ANKRD12: variants seen among roughly 807,000 people sequenced by gnomAD.
ANKRD12 encodes ankyrin repeat domain-containing protein 12.
Under a neutral mutation model 183.4 loss-of-function variants are expected in ANKRD12, and 85 were observed. The ratio of observed to expected loss-of-function variants is 0.46; its 90% CI spans 0.39 to 0.56. ANKRD12 has a LOEUF of 0.56. ANKRD12 is among the 20% of genes least tolerant of loss of function. The probability of loss-of-function intolerance (pLI) is 0.00; values close to 1 mark genes in which losing one functional copy is unlikely to be tolerated. For synonymous variants in ANKRD12, 914 were observed against 800.2 expected (o/e 1.14, Z -2.40); for missense variants, 2,405 against 2,357.1 (o/e 1.02, Z -0.42).
intron 5 of ANKRD12, among the ~76,000 whole-genome samples, chr18:9,209,343 T>G (rs549672823): frequency 6.7e-4 from 102 of 152,290 alleles, no homozygotes; most frequent in African/African-American, 2.3e-3. Context: ...AAAAGAAAAT[T>G]TTTGAGTTAC....
At chr18:9,156,107 C>CAG (rs2030388538) in intron 1 of ANKRD12, among the ~76,000 whole-genome samples, 1 of 140,442 alleles carries the variant, frequency 7.1e-6, no homozygotes, top group Non-Finnish European at 1.5e-5. Context: ...CACTGCACTC[C>CAG]AGCCTGGGCA....
intron 1 of ANKRD12, among the ~76,000 whole-genome samples, chr18:9,168,164 T>C (rs2032287271): frequency 6.6e-6 from 1 of 152,216 alleles, no homozygotes; most frequent in African/African-American, 2.4e-5. Flanking sequence ...ATCAAAGATA[T>C]TGGTCTAAAA....
chr18:9,280,236 A>C (rs2040045405), intron 12 of ANKRD12, among the ~76,000 whole-genome samples: 1 of 152,046 alleles, frequency 6.6e-6, no homozygotes, highest in Admixed American at 6.6e-5. Context: ...GCAACCTAGA[A>C]CCCTCGCATG....
intron 4 of ANKRD12, among the ~76,000 whole-genome samples, chr18:9,204,831 A>G (rs1323172890): frequency 2.0e-5 from 3 of 152,204 alleles, no homozygotes; most frequent in Non-Finnish European, 4.4e-5. Context: ...AAACAATGTG[A>G]AAGTCAACCC....
At chr18:9,189,755 C>G (rs1449410963) in intron 2 of ANKRD12, among the ~76,000 whole-genome samples, 2 of 152,140 alleles carry the variant, frequency 1.3e-5, no homozygotes, top group African/African-American at 2.4e-5. Context: ...TAGATTAAGC[C>G]TACTGTTGAG....
intron 2 of ANKRD12, among the ~76,000 whole-genome samples, chr18:9,194,081 T>G (rs1176851380): frequency 6.6e-6 from 1 of 152,210 alleles, no homozygotes; most frequent in Non-Finnish European, 1.5e-5. Flanking sequence ...CTGGATAGAT[T>G]ATTCTTTGGT....
intron 3 of ANKRD12, 94 bp downstream of exon 3, chr18:9,195,792 A>G (rs2034750628): frequency 1.1e-5 from 12 of 1,113,166 alleles, no homozygotes; most frequent in Non-Finnish European, 1.5e-5. Flanking sequence ...ACCCCAGTTT[A>G]TAGAGAAATA....
chr18:9,208,535 A>G (rs2035609925), intron 4 of ANKRD12, 122 bp from the exon 5 acceptor site: 1 of 681,216 alleles, frequency 1.5e-6, no homozygotes, highest in Non-Finnish European at 2.2e-6. Flanking sequence ...GGCTACTACT[A>G]GTTCATATAT....
intron 2 of ANKRD12, among the ~76,000 whole-genome samples, chr18:9,193,365 C>G (rs1452089852): frequency 6.6e-6 from 1 of 152,052 alleles, no homozygotes; most frequent in Non-Finnish European, 1.5e-5. Flanking sequence ...AGGCTGGTCT[C>G]AAACTCCTAG....
intron 3 of ANKRD12, among the ~76,000 whole-genome samples, chr18:9,201,350 C>T (rs1218202788): frequency 6.6e-6 from 1 of 152,194 alleles, no homozygotes; most frequent in South Asian, 2.1e-4. Context: ...AAGCCAAAAT[C>T]TCTTAATGTG....
Position 9,156,436 on chromosome 18 carries a change from G to A in ANKRD12, c.-52+19471G>A, listed in dbSNP as rs181330708. ...GGAAAGACAGAGTATTGGTGGAACA[G>A]ACTAGAAAGCCTGAAAAGAGATTTA... On this transcript the variant is annotated intron_variant, in intron 1 of 12. Coordinates refer to ENST00000262126, the MANE Select transcript of ANKRD12 (RefSeq NM_015208.5). Among the ~76,000 whole-genome samples, 204 of 152,276 alleles carry A rather than the reference G, an allele frequency of 1.3e-3. 1 individual carries two copies. The highest frequency in any genetic ancestry group is 4.8e-3 in the African/African-American group (199 of 41,558).
intron 8 of ANKRD12, among the ~76,000 whole-genome samples, chr18:9,238,290 G>A (rs189583968): frequency 1.3e-5 from 2 of 152,184 alleles, no homozygotes; most frequent in Non-Finnish European, 2.9e-5. Context: ...TTCTCATGCT[G>A]CATACTCTCT....
chr18:9,219,065 G>GT (rs1317824814), intron 7 of ANKRD12, among the ~76,000 whole-genome samples: 10 of 152,136 alleles, frequency 6.6e-5, no homozygotes, highest in African/African-American at 2.4e-4. Context: ...TGACTGTTAT[G>GT]TTTTAAGCAA....
At chr18:9,253,794 GA>G (rs1267066004) in intron 8 of ANKRD12, among the ~76,000 whole-genome samples, 2 of 152,214 alleles carry the variant, frequency 1.3e-5, no homozygotes, top group African/African-American at 4.8e-5. Context: ...CCACTTTGGA[GA>G]ACAGTTTGGA....
chr18:9,184,217 T>C (rs562189092), intron 2 of ANKRD12, among the ~76,000 whole-genome samples: 2 of 152,354 alleles, frequency 1.3e-5, no homozygotes, highest in Admixed American at 6.5e-5. Flanking sequence ...TCAATGTTTA[T>C]GTAGTTTCAG....
chr18:9,281,196 T>A lies in ANKRD12; in HGVS notation c.*70T>A. 7.5e-7 allele frequency: 1 copy of A among 1,328,452 alleles called. No homozygotes were observed. Among genetic ancestry groups the A allele is most frequent in the Non-Finnish European group, 1.0e-6 (1 of 973,214 alleles). 82.3% of individuals were successfully genotyped at this position (1,328,452 alleles called of 1,614,324 possible). A position where few individuals can be genotyped will look rare whatever the true frequency, so the allele number is the denominator to read the frequency against. ...AAGCATTATACTGTGGAATACTGCCTTTTGACAAAAATACTCATGCCTTTA... is the reference window on the plus strand; with the variant it reads ...AAGCATTATACTGTGGAATACTGCCATTTGACAAAAATACTCATGCCTTTA... On this transcript the variant is annotated 3_prime_UTR_variant, in exon 13 of 13. Coordinates refer to ENST00000262126, the MANE Select transcript of ANKRD12 (RefSeq NM_015208.5).
intron 2 of ANKRD12, among the ~76,000 whole-genome samples, chr18:9,188,520 C>T (rs2034254020): frequency 6.6e-6 from 1 of 152,168 alleles, no homozygotes; most frequent in African/African-American, 2.4e-5. Flanking sequence ...GTAATGGCAC[C>T]ACCTACAGAT....
intron 1 of ANKRD12, among the ~76,000 whole-genome samples, chr18:9,181,961 A>G (rs572867002): frequency 9.2e-5 from 14 of 152,332 alleles, no homozygotes; most frequent in African/African-American, 3.4e-4. Flanking sequence ...GGAAGGATTT[A>G]ATGTAGGGAA....
chr18:9,266,746 G>A (rs1165580252), intron 10 of ANKRD12, among the ~76,000 whole-genome samples: 1 of 151,986 alleles, frequency 6.6e-6, no homozygotes, highest in East Asian at 1.9e-4. Context: ...ATAATGACAG[G>A]ATCAAATTCA....
Sources: allele counts gnomAD v4.1 joint callset (sites outside exome capture counted in the v4.1 genomes callset), GRCh38; gene constraint gnomAD v4.1.1; transcripts MANE v1.5; gene names NCBI Gene and HGNC (gene_info 2026-07-23, HGNC 2026-07-21).